The following MICOS13 variants were observed in gnomAD, a reference collection of about 807,000 sequenced individuals.
The protein encoded by MICOS13 is MICOS complex subunit MIC13.
In MICOS13, 15 loss-of-function variants were observed where a neutral mutation model predicts 16.1. That is an observed-to-expected ratio of 0.93 (90% CI 0.62 to 1.44). The LOEUF (loss-of-function observed/expected upper bound fraction) is 1.44. Ranked by LOEUF, MICOS13 falls within the 40% of genes most tolerant of loss-of-function variation. MICOS13 has a pLI of 0.00. For synonymous variants in MICOS13, 61 were observed against 62.6 expected (o/e 0.97, Z 0.12); for missense variants, 164 against 155.0 (o/e 1.06, Z -0.31).
chr19:5,679,944 A>G (rs1007807132), intron 1 of MICOS13, 181 bp from the exon 2 acceptor site: 2 of 1,386,516 alleles, frequency 1.4e-6, no homozygotes, highest in African/African-American at 1.5e-5. Flanking sequence ...ACAACGTGCA[A>G]GGCAGGGCGG....
chr19:5,679,451 C>T (rs907130611), intron 2 of MICOS13, 55 bp from the exon 3 acceptor site: 1 of 1,599,972 alleles, frequency 6.3e-7, no homozygotes, highest in Admixed American at 1.7e-5. Flanking sequence ...CAGCCCATCC[C>T]CAGAGGCGGA....
Position 5,679,780 on chromosome 19 carries a change from G to C in MICOS13, c.30-17C>G. On this transcript the variant is annotated splice_polypyrimidine_tract_variant and intron_variant, in intron 1 of 3. Coordinates refer to ENST00000309324, the MANE Select transcript of MICOS13 (RefSeq NM_205767.3). ...ATGAGGAACCTGCGGGCAGGGACGG[G>C]AGGAGCAGAAGCTCAGCGGACACTG... The C allele has an allele frequency of 1.3e-6, 2 of 1,580,376 alleles. No individual in the cohort carries two copies. The highest frequency in any genetic ancestry group is 1.7e-6 in the Non-Finnish European group (2 of 1,166,892).
chr19:5,680,218 G>C (rs1338604347), intron 1 of MICOS13: 64 of 1,543,002 alleles, frequency 4.1e-5, no homozygotes, highest in Non-Finnish European at 5.3e-5. Flanking sequence ...CGGAGGCGGA[G>C]GCTGACACCG....
chr19:5,678,707 C>A, intron 3 of MICOS13, 59 bp from the exon 4 acceptor site: 2 of 1,328,482 alleles, frequency 1.5e-6, no homozygotes, highest in Non-Finnish European at 2.0e-6. Flanking sequence ...CAGCCTCCAA[C>A]CCCTGGGAAA....
chr19:5,680,316 C>A, intron 1 of MICOS13, 142 bp downstream of exon 1: 1 of 1,609,294 alleles, frequency 6.2e-7, no homozygotes, highest in South Asian at 1.1e-5. Flanking sequence ...CCTCAGTTTC[C>A]CTATCTGGCC....
Position 5,678,662 on chromosome 19 carries a change from A to C in MICOS13, c.260-14T>G, listed in dbSNP as rs1005163778. The C allele has an allele frequency of 2.0e-6, 3 of 1,482,184 alleles. No homozygotes were observed. In the African/African-American group the frequency reaches 4.3e-5, roughly 21 times the overall value. The allele number at this position is 1,482,184 out of a possible 1,614,324, so 91.8% of individuals were successfully genotyped here. A position where few individuals can be genotyped will look rare whatever the true frequency, so the allele number is the denominator to read the frequency against. Reference sequence around the variant, plus strand: ...CCGTCATGATGCCTGTGGGAAAGGGACGGCCACTGGTGATACTCCCCTCCC... The same window carrying C: ...CCGTCATGATGCCTGTGGGAAAGGGCCGGCCACTGGTGATACTCCCCTCCC... On this transcript the variant is annotated splice_polypyrimidine_tract_variant and intron_variant, in intron 3 of 3. Transcript: ENST00000309324.
chr19:5,680,293 C>G, intron 1 of MICOS13, 165 bp downstream of exon 1: 1 of 1,608,194 alleles, frequency 6.2e-7, no homozygotes, highest in Non-Finnish European at 8.5e-7. Context: ...CGGGAAGCCC[C>G]GCCCCTCTGA....
In MICOS13 at chr19:5,679,613, A is replaced by T; in HGVS notation, c.180T>A (p.Cys60Ter). The change falls in exon 2 of 4, where the codon TGT becomes TGA. Residue 60 changes from cysteine to a stop codon, truncating the protein, a stop_gained. Transcript: ENST00000309324. LOFTEE classifies it high-confidence loss of function. Reference protein sequence around the residue: ...PAMYQFSQYVCQQTGLQIPQL... With the variant: ...PAMYQFSQYV ...GGGGTATCTGCAGGCCTGTCTGCTGACACACGTACTGGCTGAACTGGTACA... is the reference window on the plus strand; with the variant it reads ...GGGGTATCTGCAGGCCTGTCTGCTGTCACACGTACTGGCTGAACTGGTACA... 6.2e-7 allele frequency: 1 copy of T among 1,610,986 alleles called. No homozygotes were observed. The highest frequency in any genetic ancestry group is 8.5e-7 in the Non-Finnish European group (1 of 1,179,148).
intron 1 of MICOS13, 23 bp from the exon 2 acceptor site, chr19:5,679,786 C>CAGA (rs1438690625): frequency 1.3e-6 from 2 of 1,569,162 alleles, no homozygotes. Context: ...ACGGGAGGAG[C>CAGA]AGAAGCTCAG....
In MICOS13 at chr19:5,679,346, T is replaced by C. The variant is rs1245092302; in HGVS notation, c.258A>G (p.Ala86=). Residue 86 remains alanine (A), a splice_region_variant and synonymous_variant, in exon 3 of 4, where the codon GCA becomes GCG. Coordinates refer to ENST00000309324, the MANE Select transcript of MICOS13 (RefSeq NM_205767.3). ...IYFPIRDSWN[A]GIMTVMSALS... ...AAGCAAAGAAACTGGGTGCCTTACC[T>C]GCATTCCAGGAGTCACGGATGGGAA... 2.5e-6 allele frequency: 4 copies of C among 1,613,084 alleles called. No homozygotes were observed. The highest frequency in any genetic ancestry group is 3.3e-5 in the Admixed American group (2 of 59,864).
At chr19:5,678,762 G>GGGT in intron 3 of MICOS13, 114 bp from the exon 4 acceptor site, 1 of 576,978 alleles carries the variant, frequency 1.7e-6, no homozygotes. Context: ...GGGGGGCGGG[G>GGGT]ATGGAGTCTC....
At position 5,679,389 on chromosome 19, in the gene MICOS13, G is replaced by A. The variant is rs1422138961; in HGVS notation, c.215C>T (p.Ala72Val). 3 of 1,613,532 alleles carry A rather than the reference G, an allele frequency of 1.9e-6. No individual in the cohort carries two copies. The highest frequency in any genetic ancestry group is 1.7e-5 in the Admixed American group (1 of 59,918). ...GATGGGAAAGTAAATCTTTGGAGGG[G>A]CTGGGAGCTGGGAAAAAGAGATGGG... ...QTGLQIPQLPAPPKIYFPIRD... is the reference protein window; with the variant it reads ...QTGLQIPQLPVPPKIYFPIRD... Residue 72 changes from alanine to valine, a missense_variant, in exon 3 of 4, where the codon GCC becomes GTC. By Grantham distance (64) the Ala-to-Val change is moderately conservative. Coordinates refer to ENST00000309324, the MANE Select transcript of MICOS13 (RefSeq NM_205767.3).
chr19:5,679,897 G>A, intron 1 of MICOS13, 134 bp from the exon 2 acceptor site: 2 of 1,354,768 alleles, frequency 1.5e-6, no homozygotes, highest in South Asian at 1.3e-5. Context: ...GTGCAGCACC[G>A]TCGACCCAGA....
Position 5,680,444 on chromosome 19 carries a change from G to A in MICOS13, c.29+14C>T. 13 of 1,613,114 alleles carry A rather than the reference G, an allele frequency of 8.1e-6. No homozygotes were observed. Among genetic ancestry groups the A allele is most frequent in the Non-Finnish European group, 1.1e-5 (13 of 1,179,874 alleles). On this transcript the variant is annotated intron_variant, in intron 1 of 3. Transcript: ENST00000309324. The stretch of plus-strand genomic sequence containing the variant: ...TTTTCGGGGACTCGGGTCCCCTCCG[G>A]CGCCCCCACGCACCTCATCAGCGAC...
In MICOS13 at chr19:5,679,627, T is replaced by G. The variant is rs756838885; in HGVS notation, c.166A>C (p.Ser56Arg). 2 of 1,611,250 alleles carry G rather than the reference T, an allele frequency of 1.2e-6. No homozygotes were observed. The highest frequency in any genetic ancestry group is 1.7e-5 in the Admixed American group (1 of 59,386). The change falls in exon 2 of 4, where the codon AGC (serine) becomes CGC (arginine). Residue 56 changes from serine (S) to arginine (R), a missense_variant. Ser to Arg is a moderately radical substitution (Grantham distance 110). Coordinates refer to ENST00000309324, the MANE Select transcript of MICOS13 (RefSeq NM_205767.3). ...CCTGTCTGCTGACACACGTACTGGC[T>G]GAACTGGTACATGGCGGGGGGGACC... is the stretch of plus-strand genomic sequence containing the variant. The part of the protein sequence containing the change: ...EVVPPAMYQF[S>R]QYVCQQTGLQ...
At chr19:5,678,974 C>G in intron 3 of MICOS13, 1 of 368,802 alleles carries the variant, frequency 2.7e-6, no homozygotes, top group East Asian at 6.4e-5. Context: ...AGTGGTGCAA[C>G]CTCGGCTCAC....
rs1282039076 is a variant in MICOS13 at position 5,680,445 on chromosome 19, C to A, written c.29+13G>T. 1 of 1,612,998 alleles carries A rather than the reference C, an allele frequency of 6.2e-7. No homozygotes were observed. The highest frequency in any genetic ancestry group is 8.5e-7 in the Non-Finnish European group (1 of 1,179,864). On this transcript the variant is annotated intron_variant, in intron 1 of 3. Transcript: ENST00000309324. ...TTTCGGGGACTCGGGTCCCCTCCGGCGCCCCCACGCACCTCATCAGCGACC... is the reference window on the plus strand; with the variant it reads ...TTTCGGGGACTCGGGTCCCCTCCGGAGCCCCCACGCACCTCATCAGCGACC...
chr19:5,678,845 G>C lies in MICOS13; in HGVS notation c.260-197C>G, dbSNP rs906740550. The C allele has an allele frequency of 2.5e-5, 13 of 522,772 alleles. No individual in the cohort carries two copies. In the Admixed American group the frequency reaches 4.1e-4, roughly 17 times the overall value. 32.4% of individuals were successfully genotyped at this position (522,772 alleles called of 1,614,324 possible). A position where few individuals can be genotyped will look rare whatever the true frequency, so the allele number is the denominator to read the frequency against. On this transcript the variant is annotated intron_variant, in intron 3 of 3. Transcript: ENST00000309324. Reference sequence around the variant, plus strand: ...CAACCTTCGCCTCCTGGGTTCAAGCGATTCTCTTGCCTCAGCCTCCCAAGT... The same window carrying C: ...CAACCTTCGCCTCCTGGGTTCAAGCCATTCTCTTGCCTCAGCCTCCCAAGT...
Position 5,679,280 on chromosome 19 carries a change from C to A in MICOS13, c.259+65G>T, listed in dbSNP as rs750296389. On this transcript the variant is annotated intron_variant, in intron 3 of 3. Transcript: ENST00000309324. ...AGGAGGATGGACAGAAAGGAATGGC[C>A]AGGAAGTGGGGAGAGGGGCTAGACT... The A allele has an allele frequency of 2.9e-4, 435 of 1,493,684 alleles. 3 individuals carry two copies. The Middle Eastern group carries it at 4.1e-3, about 14-fold the overall frequency. The allele number at this position is 1,493,684 out of a possible 1,614,324, so 92.5% of individuals were successfully genotyped here.
Sources: gnomAD v4.1 joint callset for allele counts on GRCh38, gnomAD v4.1.1 for gene constraint, MANE v1.5 for transcripts, NCBI Gene and HGNC (gene_info 2026-07-23, HGNC 2026-07-21) for gene names.